MRPL1: variants seen among roughly 807,000 people sequenced by gnomAD.
The protein encoded by MRPL1 is large ribosomal subunit protein uL1m.
A neutral mutation model predicts 38.0 loss-of-function variants in MRPL1; 28 were observed. The observed-to-expected ratio is 0.74, with a 90% CI of 0.55 to 1.01. The LOEUF is 1.01. MRPL1 is among the 50% of genes least tolerant of loss of function. MRPL1 has a pLI of 0.00. For missense variants in MRPL1, 358 were observed against 389.8 expected (o/e 0.92, Z 0.69); for synonymous variants, 123 against 126.7 (o/e 0.97, Z 0.20).
At chr4:77,944,127 G>T (rs1445666456) in intron 7 of MRPL1, among the ~76,000 whole-genome samples, 1 of 152,184 alleles carries the variant, frequency 6.6e-6, no homozygotes, top group Non-Finnish European at 1.5e-5. Flanking sequence ...GGATTCCTGA[G>T]AGCCAAACTG....
intron 4 of MRPL1, 109 bp downstream of exon 4, chr4:77,885,448 C>T: frequency 1.4e-6 from 1 of 714,496 alleles, no homozygotes. Flanking sequence ...CTCACTGCAA[C>T]CTCCGCCTCC....
chr4:77,884,463 C>T (rs1447898649), intron 3 of MRPL1, among the ~76,000 whole-genome samples: 1 of 152,196 alleles, frequency 6.6e-6, no homozygotes, highest in Admixed American at 6.5e-5. Context: ...ATCTAGGCCT[C>T]AGGCCTCAAT....
intron 6 of MRPL1, among the ~76,000 whole-genome samples, chr4:77,899,196 G>T (rs1735983246): frequency 6.8e-6 from 1 of 147,730 alleles, no homozygotes; most frequent in African/African-American, 2.5e-5. Flanking sequence ...CAGTAGAGAC[G>T]GGGTTTTGCC....
At chr4:77,868,929 A>G (rs1024264096) in intron 1 of MRPL1, among the ~76,000 whole-genome samples, 3 of 152,206 alleles carry the variant, frequency 2.0e-5, no homozygotes, top group Admixed American at 6.5e-5. Flanking sequence ...TAGCCATCCA[A>G]GTATTTTAAG....
chr4:77,891,565 A>G (rs1460933927), intron 5 of MRPL1, among the ~76,000 whole-genome samples: 2 of 152,138 alleles, frequency 1.3e-5, no homozygotes, highest in African/African-American at 2.4e-5. Context: ...CACATTGGCC[A>G]GACTGGTCTC....
chr4:77,920,922 T>G (rs1736557754), intron 7 of MRPL1, among the ~76,000 whole-genome samples: 1 of 152,008 alleles, frequency 6.6e-6, no homozygotes, highest in Admixed American at 6.6e-5. Flanking sequence ...TGGCACCACA[T>G]CCAGCTAATT....
chr4:77,934,386 A>T (rs551019081), intron 7 of MRPL1, among the ~76,000 whole-genome samples: 1 of 152,342 alleles, frequency 6.6e-6, no homozygotes, highest in East Asian at 1.9e-4. Context: ...TGAAAGGAGC[A>T]CAGAGCCTAA....
At chr4:77,920,153 T>C (rs1447235775) in intron 7 of MRPL1, among the ~76,000 whole-genome samples, 1 of 152,206 alleles carries the variant, frequency 6.6e-6, no homozygotes, top group Non-Finnish European at 1.5e-5. Flanking sequence ...TTTGCTATCA[T>C]TGTAGCAACT....
At chr4:77,926,589 T>C (rs1736717216) in intron 7 of MRPL1, among the ~76,000 whole-genome samples, 1 of 149,420 alleles carries the variant, frequency 6.7e-6, no homozygotes, top group Admixed American at 6.8e-5. Flanking sequence ...TAAGAATCAT[T>C]CTTATAGTTT....
intron 7 of MRPL1, among the ~76,000 whole-genome samples, chr4:77,927,342 A>G (rs1173947466): frequency 1.3e-5 from 2 of 152,148 alleles, no homozygotes; most frequent in Non-Finnish European, 2.9e-5. Context: ...TCTTATTTAC[A>G]TTATTTATGT....
rs906039457 is a variant in MRPL1, at chr4:77,862,960, C to T, written c.31+81C>T. The T allele has an allele frequency of 5.1e-6, 8 of 1,555,018 alleles. No homozygotes were observed. In the East Asian group the frequency reaches 1.1e-4, roughly 22 times the overall value. Reference sequence around the variant, plus strand: ...GCAGCAGAGTGCAAGGCGGATTCTGCTCTGGGTGCTGAAAATGCCTCGTGC... The same window carrying T: ...GCAGCAGAGTGCAAGGCGGATTCTGTTCTGGGTGCTGAAAATGCCTCGTGC... On this transcript the variant is annotated intron_variant, in intron 1 of 8. Transcript: ENST00000315567.
chr4:77,876,187 G>A (rs949545800), intron 2 of MRPL1, among the ~76,000 whole-genome samples: 4 of 152,082 alleles, frequency 2.6e-5, no homozygotes, highest in Admixed American at 6.6e-5. Context: ...TGGCCAGGCT[G>A]GTCTCAGACT....
chr4:77,883,326 C>G lies in MRPL1; in HGVS notation c.228C>G (p.Pro76=). Residue 76 remains proline (P), a synonymous_variant, in exon 3 of 9, where the codon CCC becomes CCG. Coordinates refer to ENST00000315567, the MANE Select transcript of MRPL1 (RefSeq NM_020236.4). ...KDEIEKIKAY[P]YMEGEPEDDV... is the part of the protein sequence containing the mutation. ...AAATAGAAAAAATAAAAGCATATCC[C>G]TATATGGAAGGCGAACCTGAGGATG... 1 of 1,613,158 alleles carries G rather than the reference C, an allele frequency of 6.2e-7. No homozygotes were observed. The highest frequency in any genetic ancestry group is 8.5e-7 in the Non-Finnish European group (1 of 1,179,490).
intron 7 of MRPL1, among the ~76,000 whole-genome samples, chr4:77,919,293 C>T (rs4859512): frequency 0.47 from 71,749 of 151,752 alleles, 17,923 homozygotes; most frequent in Admixed American, 0.56. Context: ...TGGCCTTCAG[C>T]CTGCTTCTCC....
intron 7 of MRPL1, among the ~76,000 whole-genome samples, chr4:77,928,434 A>G (rs1175953929): frequency 6.6e-6 from 1 of 152,238 alleles, no homozygotes; most frequent in Non-Finnish European, 1.5e-5. Flanking sequence ...CCATTGGTTC[A>G]TGGCTCACTG....
At chr4:77,878,206 GA>G (rs1387836163) in intron 2 of MRPL1, among the ~76,000 whole-genome samples, 3 of 152,204 alleles carry the variant, frequency 2.0e-5, no homozygotes, top group Non-Finnish European at 4.4e-5. Flanking sequence ...ATGGGTTCAA[GA>G]AAAGTTGTGA....
chr4:77,893,273 C>T (rs996765908), intron 5 of MRPL1, among the ~76,000 whole-genome samples: 15 of 152,076 alleles, frequency 9.9e-5, no homozygotes, highest in African/African-American at 1.9e-4. Context: ...TGTGCCACCA[C>T]GCCCGGCTAG....
intron 5 of MRPL1, among the ~76,000 whole-genome samples, chr4:77,890,210 A>G (rs1735775723): frequency 6.6e-6 from 1 of 152,202 alleles, no homozygotes. Flanking sequence ...TCCCTGATGA[A>G]CATCGATGCA....
Position 77,952,517 on chromosome 4 carries a change from T to C in MRPL1, c.888T>C (p.Arg296=). ...LGPFVVRAFL[R]SSTSEGLLLK... ...CCTTTGTGGTACGTGCTTTCCTTCG[T>C]AGTTCAACAAGTGAAGGTTTATTAC... Residue 296 remains arginine (R), a synonymous_variant, in exon 9 of 9, where the codon CGT becomes CGC. Transcript: ENST00000315567. 1 of 1,613,222 alleles carries C rather than the reference T, an allele frequency of 6.2e-7. No homozygotes were observed. Among genetic ancestry groups the C allele is most frequent in the Non-Finnish European group, 8.5e-7 (1 of 1,179,668 alleles).
Sources: allele counts gnomAD v4.1 joint callset (sites outside exome capture counted in the v4.1 genomes callset), GRCh38; gene constraint gnomAD v4.1.1; transcripts MANE v1.5; gene names NCBI Gene and HGNC (gene_info 2026-07-23, HGNC 2026-07-21).